Variants in ANKRD30B observed in about 807,000 individuals in gnomAD.
ANKRD30B encodes the protein ankyrin repeat domain 30B.
ANKRD30B carries 144 observed loss-of-function variants against 202.2 expected under a neutral mutation model. The ratio of observed to expected loss-of-function variants is 0.71; its 90% CI spans 0.62 to 0.82. The LOEUF (loss-of-function observed/expected upper bound fraction) is 0.82, where lower values mean the gene tolerates loss of function less well. Among genes scored for constraint, ANKRD30B ranks in the 40% least tolerant of loss-of-function variants. ANKRD30B has a pLI of 0.00. For synonymous variants in ANKRD30B, 508 were observed against 561.3 expected (o/e 0.91, Z 1.34); for missense variants, 1,487 against 1,669.1 (o/e 0.89, Z 1.90).
chr18:14,777,752 G>A (rs1967465074), intron 9 of ANKRD30B, among the ~76,000 whole-genome samples: 2 of 151,726 alleles, frequency 1.3e-5, no homozygotes. Flanking sequence ...GACCAGCCTG[G>A]CCAACATGGT....
intron 6 of ANKRD30B, among the ~76,000 whole-genome samples, chr18:14,761,510 T>C (rs554158090): frequency 4.8e-4 from 73 of 152,106 alleles, no homozygotes; most frequent in African/African-American, 1.6e-3. Flanking sequence ...TTAGATAAAC[T>C]ACTCTACTTT....
At chr18:14,905,192 C>T in the ANKRD30B span, among the ~76,000 whole-genome samples, 2 of 152,150 alleles carry the variant, frequency 1.3e-5, no homozygotes, top group African/African-American at 2.4e-5. Context: ...CAGAAATAAC[C>T]ACAAAAATGG....
At chr18:14,883,369 G>GTCTCTCTCTCTCTC in the ANKRD30B span, among the ~76,000 whole-genome samples, 1 of 84,656 alleles carries the variant, frequency 1.2e-5, no homozygotes, top group African/African-American at 5.7e-5. Context: ...CTGTCTGTCT[G>GTCTCTCTCTCTCTC]TCTCTCTCTC....
chr18:14,890,241 C>A, the ANKRD30B span, among the ~76,000 whole-genome samples: 1 of 152,050 alleles, frequency 6.6e-6, no homozygotes, highest in African/African-American at 2.4e-5. Flanking sequence ...CGACCCACAA[C>A]ACATACACAC....
rs1260969411 is a variant in ANKRD30B, at chr18:14,748,439, C to T, written c.20C>T (p.Ala7Val). The T allele has an allele frequency of 7.3e-6, 11 of 1,513,506 alleles. No homozygotes were observed. The highest frequency in any genetic ancestry group is 6.3e-5 in the South Asian group (5 of 79,118). The allele number at this position is 1,513,506 out of a possible 1,614,324, so 93.8% of individuals were successfully genotyped here. Residue 7 changes from alanine (A) to valine (V), a missense_variant, in exon 1 of 44, where the codon GCC (alanine) becomes GTC (valine). Physicochemically the swap from Ala to Val is moderately conservative, Grantham distance 64. This residue lies in a region of ANKRD30B where 889 missense variants were observed against 841.4 expected (regional missense o/e 1.06). Coordinates refer to ENST00000690538, the MANE Select transcript of ANKRD30B (RefSeq NM_001367607.2). MKRLLA[A>V]AGKGVRGPEP... ...GCAGCCATGAAGAGGCTCTTAGCTG[C>T]CGCTGGCAAGGGCGTGCGGGGCCCG... is the stretch of plus-strand genomic sequence containing the variant.
At chr18:14,793,919 C>T (rs1055066384) in intron 16 of ANKRD30B, among the ~76,000 whole-genome samples, 4 of 151,908 alleles carry the variant, frequency 2.6e-5, no homozygotes, top group Admixed American at 2.6e-4. Flanking sequence ...TCATAGTGTG[C>T]ATTTTTACTT....
At chr18:14,861,151 A>G in the ANKRD30B span, among the ~76,000 whole-genome samples, 1 of 152,222 alleles carries the variant, frequency 6.6e-6, no homozygotes, top group Non-Finnish European at 1.5e-5. Context: ...AAATAAAAGA[A>G]TGATACTTGC....
chr18:14,928,538 C>T, the ANKRD30B span, among the ~76,000 whole-genome samples: 3 of 152,148 alleles, frequency 2.0e-5, no homozygotes. Flanking sequence ...TGGTCTTCCC[C>T]TGCCCTCAGG....
At chr18:14,940,269 A>G in the ANKRD30B span, among the ~76,000 whole-genome samples, 2 of 152,186 alleles carry the variant, frequency 1.3e-5, no homozygotes, top group Non-Finnish European at 1.5e-5. Flanking sequence ...CGTGGTGGAA[A>G]CAAAGCTTGC....
At chr18:14,834,297 G>A (rs780790127) in intron 34 of ANKRD30B, among the ~76,000 whole-genome samples, 9 of 151,628 alleles carry the variant, frequency 5.9e-5, no homozygotes, top group South Asian at 2.1e-4. Context: ...AATTTTTGTC[G>A]TAGGTAATTT....
At chr18:14,885,460 G>A in the ANKRD30B span, among the ~76,000 whole-genome samples, 1 of 152,108 alleles carries the variant, frequency 6.6e-6, no homozygotes, top group Non-Finnish European at 1.5e-5. Flanking sequence ...AATCACATGA[G>A]TCTTAAGAGA....
the ANKRD30B span, among the ~76,000 whole-genome samples, chr18:14,935,067 T>C: frequency 1.3e-5 from 2 of 152,086 alleles, no homozygotes; most frequent in Non-Finnish European, 2.9e-5. Flanking sequence ...AGTGGAGACT[T>C]TAAAATAAAT....
chr18:14,850,388 T>G lies in ANKRD30B; in HGVS notation c.3564+6T>G. The G allele has an allele frequency of 6.6e-7, 1 of 1,515,868 alleles. No individual in the cohort carries two copies. Among genetic ancestry groups the G allele is most frequent in the Non-Finnish European group, 8.8e-7 (1 of 1,138,228 alleles). 93.9% of individuals were successfully genotyped at this position (1,515,868 alleles called of 1,614,324 possible). A position where few individuals can be genotyped will look rare whatever the true frequency, so the allele number is the denominator to read the frequency against. On this transcript the variant is annotated splice_donor_region_variant and intron_variant, in intron 41 of 43. Coordinates refer to ENST00000690538, the MANE Select transcript of ANKRD30B (RefSeq NM_001367607.2). ...TAACAAGTAATTTGAATCAGGTAAA[T>G]CAATCTCTGGCAAAAATTTTATATT...
intron 4 of ANKRD30B, 149 bp from the exon 5 acceptor site, chr18:14,757,664 TCC>T: frequency 1.2e-6 from 1 of 850,234 alleles, no homozygotes; most frequent in Non-Finnish European, 1.7e-6. Flanking sequence ...TTTTGCCCCT[TCC>T]TTTTAGATTT....
At chr18:14,819,395 T>C (rs1474832361) in intron 30 of ANKRD30B, among the ~76,000 whole-genome samples, 2 of 149,726 alleles carry the variant, frequency 1.3e-5, no homozygotes, top group East Asian at 3.9e-4. Context: ...TTTTGTCTTT[T>C]GTTGCCATTG....
At chr18:14,783,715 A>G (rs1967898316) in intron 12 of ANKRD30B, among the ~76,000 whole-genome samples, 1 of 152,142 alleles carries the variant, frequency 6.6e-6, no homozygotes, top group Admixed American at 6.5e-5. Context: ...AAAGCTTATA[A>G]ATTATTTCCA....
chr18:14,873,638 T>A, the ANKRD30B span, among the ~76,000 whole-genome samples: 1 of 152,150 alleles, frequency 6.6e-6, no homozygotes, highest in Non-Finnish European at 1.5e-5. Flanking sequence ...TTGTTTCAGT[T>A]CTCTAAACCC....
intron 32 of ANKRD30B, among the ~76,000 whole-genome samples, chr18:14,827,887 G>A (rs1970729908): frequency 6.6e-6 from 1 of 152,086 alleles, no homozygotes; most frequent in Non-Finnish European, 1.5e-5. Context: ...GAACTACAAA[G>A]GAGGGGAAAT....
chr18:14,811,443 C>G (rs994052163), intron 28 of ANKRD30B, among the ~76,000 whole-genome samples: 1 of 151,048 alleles, frequency 6.6e-6, no homozygotes, highest in African/African-American at 2.4e-5. Context: ...GACCTGCTGA[C>G]CTTGTAATCC....
Sources: gnomAD v4.1 joint callset for allele counts (sites outside exome capture counted in the v4.1 genomes callset) on GRCh38, gnomAD v4.1.1 for gene constraint, gnomAD v4.1.1 regional missense constraint, MANE v1.5 for transcripts, NCBI Gene and HGNC (gene_info 2026-07-23, HGNC 2026-07-21) for gene names.